USP26: variants seen among roughly 807,000 people sequenced by gnomAD.
USP26 encodes ubiquitin carboxyl-terminal hydrolase 26.
For synonymous variants in USP26, 236 were observed against 240.6 expected, an observed-to-expected ratio of 0.98 and a Z score of 0.18; for missense variants, 649 against 642.3, an observed-to-expected ratio of 1.01 and a Z score of -0.11.
intron 5 of USP26, among the ~76,000 whole-genome samples, chrX:133,040,816 T>A (rs2148528170): frequency 9.0e-6 from 1 of 111,502 alleles, no homozygotes; most frequent in East Asian, 2.8e-4. Context: ...TCCCTGTCAC[T>A]TTCAGGTACC....
intron 4 of USP26, 107 bp from the exon 5 acceptor site, chrX:133,083,878 C>G (rs1274575802): frequency 9.0e-6 from 1 of 111,725 alleles, no homozygotes; most frequent in Non-Finnish European, 1.9e-5. Flanking sequence ...CTCTTCCCAC[C>G]ATGCTTCCAG....
At chrX:133,078,400 C>T (rs1028019745) in intron 5 of USP26, among the ~76,000 whole-genome samples, 6 of 111,426 alleles carry the variant, frequency 5.4e-5, no homozygotes, top group African/African-American at 2.0e-4. Context: ...CTGAACTTGC[C>T]CTCCATTCTC....
chrX:133,073,714 T>C (rs750671483), intron 5 of USP26, among the ~76,000 whole-genome samples: 75 of 111,881 alleles, frequency 6.7e-4, no homozygotes, highest in Non-Finnish European at 1.1e-3. Flanking sequence ...CAAGAAACCC[T>C]GTATGACTTT....
At chrX:133,064,204 T>C (rs909743973) in intron 5 of USP26, among the ~76,000 whole-genome samples, 1 of 111,953 alleles carries the variant, frequency 8.9e-6, no homozygotes, top group Admixed American at 9.5e-5. Flanking sequence ...ATGCACCCAA[T>C]ACAGGAGCAC....
intron 5 of USP26, among the ~76,000 whole-genome samples, chrX:133,071,701 C>T (rs1365512921): frequency 8.9e-6 from 1 of 111,769 alleles, no homozygotes; most frequent in Non-Finnish European, 1.9e-5. Flanking sequence ...AGTTTTTTGC[C>T]TAAATGTTTG....
intron 5 of USP26, among the ~76,000 whole-genome samples, chrX:133,063,637 C>A (rs2067501200): frequency 9.0e-6 from 1 of 111,209 alleles, no homozygotes; most frequent in South Asian, 3.9e-4. Context: ...CTAAGGTTCA[C>A]CAGTGAGGGA....
At chrX:133,083,338 G>A (rs1168435602) in intron 5 of USP26, among the ~76,000 whole-genome samples, 1 of 112,123 alleles carries the variant, frequency 8.9e-6, no homozygotes, top group East Asian at 2.8e-4. Flanking sequence ...TTGGTAGCTG[G>A]ACAGTGTTTT....
Position 133,026,299 on chromosome X carries a change from A to G in USP26, c.1922T>C (p.Val641Ala). ...AATGAATGCTCGATCTCCTGAGTATACAGATTCTAGCTCATTTGGTTTAGA... is the reference window on the plus strand; with the variant it reads ...AATGAATGCTCGATCTCCTGAGTATGCAGATTCTAGCTCATTTGGTTTAGA... The part of the protein sequence containing the change: ...KNSKPNELES[V>A]YSGDRAFIEK... The change falls in exon 6 of 6, where the codon GTA becomes GCA. Residue 641 changes from valine to alanine, a missense_variant. By Grantham distance (64) the Val-to-Ala change is moderately conservative. Coordinates refer to ENST00000511190, the MANE Select transcript of USP26 (RefSeq NM_031907.3). 6 of 1,207,948 alleles carry G rather than the reference A, an allele frequency of 5.0e-6. No homozygotes were observed. The highest frequency in any genetic ancestry group is 6.7e-6 in the Non-Finnish European group (6 of 894,807).
At chrX:133,080,213 C>A (rs747636115) in intron 5 of USP26, among the ~76,000 whole-genome samples, 19 of 110,855 alleles carry the variant, frequency 1.7e-4, no homozygotes, top group Non-Finnish European at 3.2e-4. Context: ...TTAGGCCTCA[C>A]AAACAAGATC....
chrX:133,072,057 G>T (rs2067532394), intron 5 of USP26, among the ~76,000 whole-genome samples: 1 of 111,497 alleles, frequency 9.0e-6, no homozygotes, highest in Non-Finnish European at 1.9e-5. Context: ...TTCCTACCCT[G>T]GGTAATACAT....
chrX:133,040,729 T>G (rs1468228073), intron 5 of USP26, among the ~76,000 whole-genome samples: 1 of 111,672 alleles, frequency 9.0e-6, no homozygotes, highest in African/African-American at 3.3e-5. Flanking sequence ...TGAATTTGAA[T>G]GTTGGCCTGT....
At chrX:133,044,301 C>T (rs934974762) in intron 5 of USP26, among the ~76,000 whole-genome samples, 9 of 113,445 alleles carry the variant, frequency 7.9e-5, no homozygotes, top group African/African-American at 2.2e-4. Context: ...TTCAGCCCAC[C>T]GCTGCACTGT....
chrX:133,035,554 T>C (rs1326614572), intron 5 of USP26, among the ~76,000 whole-genome samples: 1 of 111,703 alleles, frequency 9.0e-6, no homozygotes, highest in East Asian at 2.8e-4. Flanking sequence ...AATAAAAATG[T>C]TTTGTCCATA....
intron 5 of USP26, among the ~76,000 whole-genome samples, chrX:133,051,940 G>A (rs917975760): frequency 8.9e-6 from 1 of 111,999 alleles, no homozygotes; most frequent in Non-Finnish European, 1.9e-5. Context: ...TACTTAAGTC[G>A]CTAGAGTTCC....
chrX:133,036,044 G>C (rs1251747788), intron 5 of USP26, among the ~76,000 whole-genome samples: 1 of 110,590 alleles, frequency 9.0e-6, no homozygotes, highest in Non-Finnish European at 1.9e-5. Flanking sequence ...TTGAACCCAG[G>C]AGGTGGAGGC....
intron 5 of USP26, among the ~76,000 whole-genome samples, chrX:133,078,506 A>G (rs1191337825): frequency 8.9e-6 from 1 of 112,229 alleles, no homozygotes; most frequent in African/African-American, 3.2e-5. Context: ...GGCTGAGCCC[A>G]GGTATTGAAG....
Position 133,025,102 on chromosome X carries a change from T to C in USP26, c.*377A>G. On this transcript the variant is annotated 3_prime_UTR_variant, in exon 6 of 6. Transcript: ENST00000511190. The stretch of plus-strand genomic sequence containing the variant: ...GTCCCATCTCAAGCAAGAAGATAAG[T>C]CCCTCTCTTTTCAGGAGGCTGAGAG... 5.3e-6 allele frequency: 1 copy of C among 188,560 alleles called. No individual in the cohort carries two copies. Among genetic ancestry groups the C allele is most frequent in the Non-Finnish European group, 9.7e-6 (1 of 102,767 alleles). The allele number at this position is 188,560 out of a possible 1,213,427, so 15.5% of individuals were successfully genotyped here.
intron 5 of USP26, among the ~76,000 whole-genome samples, chrX:133,029,759 C>T (rs978406843): frequency 8.9e-6 from 1 of 111,792 alleles, no homozygotes; most frequent in African/African-American, 3.2e-5. Context: ...TAATCTAAGA[C>T]CCTCTTGATA....
At chrX:133,059,258 T>C (rs1249922504) in intron 5 of USP26, among the ~76,000 whole-genome samples, 1 of 110,840 alleles carries the variant, frequency 9.0e-6, no homozygotes. Flanking sequence ...ACAAGTTGAG[T>C]CTCTCTCAAT....
Sources: gnomAD v4.1 joint callset for allele counts (sites outside exome capture counted in the v4.1 genomes callset) on GRCh38, gnomAD v4.1.1 for gene constraint, MANE v1.5 for transcripts, NCBI Gene and HGNC (gene_info 2026-07-23, HGNC 2026-07-21) for gene names.